The following MPC2 variants were observed in gnomAD, a reference collection of about 807,000 sequenced individuals.
MPC2 encodes brain protein 44.
A neutral mutation model predicts 19.2 loss-of-function variants in MPC2; 19 were observed. The observed-to-expected ratio is 0.99, with a 90% CI of 0.69 to 1.45. The LOEUF is 1.45. Among genes scored for constraint, MPC2 ranks in the 40% most tolerant of loss-of-function variants. MPC2 has a pLI of 0.00. For synonymous variants in MPC2, 61 were observed against 54.3 expected, an observed-to-expected ratio of 1.12 and a Z score of -0.54; for missense variants, 122 against 153.0, an observed-to-expected ratio of 0.80 and a Z score of 1.07.
Position 167,924,641 on chromosome 1 carries a change from T to C in MPC2, c.110-104A>G, listed in dbSNP as rs1571510299. On this transcript the variant is annotated intron_variant, in intron 2 of 5. Coordinates refer to ENST00000271373, the MANE Select transcript of MPC2 (RefSeq NM_001143674.4). ...TTAAAAACCAAAGGATTTATCAACC[T>C]ATTTTTAACCACTTTTACTATGCTT... The C allele has an allele frequency of 3.8e-6, 3 of 789,764 alleles. No homozygotes were observed. The East Asian group carries it at 8.4e-5, about 22-fold the overall frequency. The allele number at this position is 789,764 out of a possible 1,614,324, so 48.9% of individuals were successfully genotyped here.
chr1:167,922,543 T>C (rs1553200573), intron 3 of MPC2, among the ~76,000 whole-genome samples: 1 of 152,038 alleles, frequency 6.6e-6, no homozygotes, highest in Non-Finnish European at 1.5e-5. Flanking sequence ...GAAATGGTAA[T>C]GTAACTTCCA....
At position 167,924,539 on chromosome 1, in the gene MPC2, T is replaced by C; in HGVS notation, c.110-2A>G. On this transcript the variant is annotated splice_acceptor_variant, in intron 2 of 5. Transcript: ENST00000271373. LOFTEE classifies it high-confidence loss of function. ...CCCAGAAGAAAACTGTTCTGGGACC[T>C]GAAAAAAAAAAGAAAAGAAAAATTC... The C allele has an allele frequency of 7.8e-6, 12 of 1,532,326 alleles. No homozygotes were observed. Among genetic ancestry groups the C allele is most frequent in the Admixed American group, 2.3e-5 (1 of 43,188 alleles). The allele number at this position is 1,532,326 out of a possible 1,614,324, so 94.9% of individuals were successfully genotyped here.
At chr1:167,935,542 T>C (rs533792166) in intron 2 of MPC2, among the ~76,000 whole-genome samples, 191 bp downstream of exon 2, 102 of 152,084 alleles carry the variant, frequency 6.7e-4, no homozygotes, top group Non-Finnish European at 1.2e-3. Flanking sequence ...TTGAGATACG[T>C]TGGCTTAGGA....
At chr1:167,931,463 T>C (rs1333712855) in intron 2 of MPC2, among the ~76,000 whole-genome samples, 3 of 152,098 alleles carry the variant, frequency 2.0e-5, no homozygotes, top group African/African-American at 4.8e-5. Context: ...ATTTTAGTTA[T>C]CTCTTAACTT....
intron 2 of MPC2, among the ~76,000 whole-genome samples, chr1:167,930,562 G>A (rs927320656): frequency 5.9e-5 from 9 of 152,136 alleles, no homozygotes; most frequent in East Asian, 1.9e-4. Context: ...AGTCCTAAGA[G>A]AATACCAAAT....
At chr1:167,935,016 G>A (rs997159800) in intron 2 of MPC2, among the ~76,000 whole-genome samples, 1 of 151,920 alleles carries the variant, frequency 6.6e-6, no homozygotes. Context: ...AAAGAGTCAA[G>A]CACATATGTT....
At chr1:167,934,172 G>A (rs901650280) in intron 2 of MPC2, among the ~76,000 whole-genome samples, 4 of 152,184 alleles carry the variant, frequency 2.6e-5, no homozygotes, top group African/African-American at 9.7e-5. Context: ...TGAAAGCTGA[G>A]TAGTATTTTA....
chr1:167,935,975 G>A, intron 1 of MPC2, 77 bp from the exon 2 acceptor site: 1 of 699,182 alleles, frequency 1.4e-6, no homozygotes. Context: ...TACCCTTCCC[G>A]CGGCTTTCCC....
At chr1:167,932,151 CTT>C (rs913180064) in intron 2 of MPC2, among the ~76,000 whole-genome samples, 23 of 152,306 alleles carry the variant, frequency 1.5e-4, no homozygotes, top group African/African-American at 5.3e-4. Context: ...TTGGGACTAA[CTT>C]CACCAAAGGA....
rs1670474938 is a variant in MPC2 at position 167,917,222 on chromosome 1, C to T, written c.*1101G>A. On this transcript the variant is annotated 3_prime_UTR_variant, in exon 6 of 6. Transcript: ENST00000271373. ...GTAATGTATGCTCAGTCTCTCCTCACAACGGAGCCAAAGGTCACAAACATT... is the reference window on the plus strand; with the variant it reads ...GTAATGTATGCTCAGTCTCTCCTCATAACGGAGCCAAAGGTCACAAACATT... 1 of 152,174 alleles carries T rather than the reference C, an allele frequency of 6.6e-6. No homozygotes were observed. The highest frequency in any genetic ancestry group is 6.5e-5 in the Admixed American group (1 of 15,284). 9.4% of individuals were successfully genotyped at this position (152,174 alleles called of 1,614,324 possible).
intron 2 of MPC2, among the ~76,000 whole-genome samples, chr1:167,924,896 A>G (rs889766311): frequency 6.6e-6 from 1 of 152,220 alleles, no homozygotes; most frequent in African/African-American, 2.4e-5. Flanking sequence ...GAACCCAGTG[A>G]TAACACCCCA....
At chr1:167,930,251 G>A (rs981233544) in intron 2 of MPC2, among the ~76,000 whole-genome samples, 1 of 152,168 alleles carries the variant, frequency 6.6e-6, no homozygotes, top group Non-Finnish European at 1.5e-5. Context: ...TGAAATTCCA[G>A]AGTAAAGAAC....
intron 2 of MPC2, among the ~76,000 whole-genome samples, chr1:167,935,487 G>C (rs138490924): frequency 6.6e-6 from 1 of 152,320 alleles, no homozygotes; most frequent in Non-Finnish European, 1.5e-5. Context: ...GGTTGGAGTC[G>C]TGCGTAAGGG....
chr1:167,924,398 ATACTC>A (rs755066957), intron 3 of MPC2, 94 bp downstream of exon 3: 2 of 971,576 alleles, frequency 2.1e-6, no homozygotes, highest in Admixed American at 2.9e-5. Context: ...CATACCAAGA[ATACTC>A]TAAAGTATAT....
chr1:167,920,399 T>C (rs990773404), intron 4 of MPC2, 148 bp downstream of exon 4: 19 of 851,154 alleles, frequency 2.2e-5, no homozygotes, highest in Non-Finnish European at 3.4e-5. Context: ...CCTCCATCCA[T>C]AACTTAATAA....
chr1:167,920,430 T>A, intron 4 of MPC2, 117 bp downstream of exon 4: 1 of 1,046,046 alleles, frequency 9.6e-7, no homozygotes, highest in Non-Finnish European at 1.4e-6. Context: ...ATAATACTGT[T>A]AATTCCTTTG....
chr1:167,928,490 G>T (rs1349303826), intron 2 of MPC2, among the ~76,000 whole-genome samples: 1 of 152,074 alleles, frequency 6.6e-6, no homozygotes, highest in Admixed American at 6.5e-5. Context: ...ATATAAAACA[G>T]ATACAGAGGC....
rs374282224 is a variant in MPC2, at chr1:167,919,347, T to C, written c.347+632A>G. ...GCTTATAATGGAATGGAGAGTAGTA[T>C]AAAAGCATAAGAAGGAACTTATTCC... On this transcript the variant is annotated intron_variant, in intron 5 of 5. Coordinates refer to ENST00000271373, the MANE Select transcript of MPC2 (RefSeq NM_001143674.4). 1.4e-4 allele frequency among the ~76,000 whole-genome samples: 22 copies of C among 152,304 alleles called. No homozygotes were observed. The South Asian group carries it at 4.6e-3, about 32-fold the overall frequency.
rs771977419 is a variant in MPC2 at position 167,935,863 on chromosome 1, A to G, written c.-22T>C. ...ACATCGCCGCCGAGGGATCGTTGGC[A>G]GCCGGGTGGGAGCGTGGCTGTGTTC... On this transcript the variant is annotated 5_prime_UTR_variant, in exon 2 of 6. Transcript: ENST00000271373. 8 of 1,533,754 alleles carry G rather than the reference A, an allele frequency of 5.2e-6. No individual in the cohort carries two copies. The Admixed American group carries it at 1.2e-4, about 23-fold the overall frequency.
Sources: gnomAD v4.1 joint callset for allele counts (sites outside exome capture counted in the v4.1 genomes callset) on GRCh38, gnomAD v4.1.1 for gene constraint, MANE v1.5 for transcripts, NCBI Gene and HGNC (gene_info 2026-07-23, HGNC 2026-07-21) for gene names.